The following GALNT17 variants were observed in gnomAD, a reference collection of about 807,000 sequenced individuals.
The protein encoded by GALNT17 is polypeptide N-acetylgalactosaminyltransferase 17.
A neutral mutation model predicts 63.7 loss-of-function variants in GALNT17; 29 were observed. The observed-to-expected ratio is 0.46, with a 90% CI of 0.34 to 0.62. The LOEUF (loss-of-function observed/expected upper bound fraction) is 0.62. Among genes scored for constraint, GALNT17 ranks in the 20% least tolerant of loss-of-function variants. GALNT17 has a pLI of 0.01. For missense variants in GALNT17, 603 were observed against 799.6 expected (o/e 0.75, Z 2.97); for synonymous variants, 305 against 318.3 (o/e 0.96, Z 0.45).
chr7:71,616,681 CATTAT>C (rs1790208719), intron 6 of GALNT17, among the ~76,000 whole-genome samples: 1 of 116,064 alleles, frequency 8.6e-6, no homozygotes, highest in African/African-American at 3.0e-5. Flanking sequence ...TAATATAATA[CATTAT>C]AATATATAAT....
chr7:71,458,844 C>T (rs568290864), intron 5 of GALNT17, among the ~76,000 whole-genome samples: 36 of 152,116 alleles, frequency 2.4e-4, no homozygotes, highest in African/African-American at 8.4e-4. Flanking sequence ...GTCTTCTGTT[C>T]GTCTGCTCCG....
At chr7:71,377,103 AAAATAAAAAAAATATATATAT>A (rs1563047431) in intron 2 of GALNT17, among the ~76,000 whole-genome samples, 1 of 62,986 alleles carries the variant, frequency 1.6e-5, no homozygotes, top group Non-Finnish European at 3.0e-5. Flanking sequence ...AAAAAAAATA[AAAATAAAAAAAATATATATAT>A]ATATATATAT....
At chr7:71,494,997 G>A (rs1424008190) in intron 5 of GALNT17, among the ~76,000 whole-genome samples, 1 of 152,194 alleles carries the variant, frequency 6.6e-6, no homozygotes, top group Non-Finnish European at 1.5e-5. Flanking sequence ...GGGGCCAGGT[G>A]CAGTGGCTCA....
At chr7:71,171,556 A>T (rs1267110521) in intron 1 of GALNT17, among the ~76,000 whole-genome samples, 1 of 152,160 alleles carries the variant, frequency 6.6e-6, no homozygotes, top group African/African-American at 2.4e-5. Context: ...ATGTAGACAA[A>T]TGTGTATCCC....
At chr7:71,175,073 T>C (rs1788610896) in intron 1 of GALNT17, among the ~76,000 whole-genome samples, 1 of 152,232 alleles carries the variant, frequency 6.6e-6, no homozygotes, top group Non-Finnish European at 1.5e-5. Context: ...TTCTATTCTA[T>C]CTATATCTAT....
At chr7:71,421,505 C>G (rs1223139604) in intron 5 of GALNT17, among the ~76,000 whole-genome samples, 2 of 152,074 alleles carry the variant, frequency 1.3e-5, no homozygotes, top group Non-Finnish European at 2.9e-5. Flanking sequence ...GATACAAGAT[C>G]ATATAGAAAA....
At chr7:71,353,876 A>C (rs1792232108) in intron 2 of GALNT17, among the ~76,000 whole-genome samples, 1 of 152,108 alleles carries the variant, frequency 6.6e-6, no homozygotes, top group Non-Finnish European at 1.5e-5. Flanking sequence ...GGTTTAATTG[A>C]CTCATGGTGT....
At position 71,596,297 on chromosome 7, in the gene GALNT17, C is replaced by T. The variant is rs376445452; in HGVS notation, c.1080+24895C>T. 4.2e-4 allele frequency among the ~76,000 whole-genome samples: 64 copies of T among 152,218 alleles called. No individual in the cohort carries two copies. The South Asian group carries it at 9.5e-3, about 23-fold the overall frequency. On this transcript the variant is annotated intron_variant, in intron 6 of 10. Transcript: ENST00000333538. ...TCGTGATTCGCCCACCTTGGCCTCC[C>T]AAAGTGCTGGGATTACAGGCGTGAG...
At chr7:71,237,694 A>C (rs923110629) in intron 1 of GALNT17, among the ~76,000 whole-genome samples, 8 of 151,962 alleles carry the variant, frequency 5.3e-5, no homozygotes, top group Non-Finnish European at 7.4e-5. Context: ...CAAAAACCAA[A>C]CAAACAAACA....
At chr7:71,404,098 G>C (rs1793286529) in intron 3 of GALNT17, among the ~76,000 whole-genome samples, 1 of 152,150 alleles carries the variant, frequency 6.6e-6, no homozygotes, top group African/African-American at 2.4e-5. Context: ...CTCTCACCTG[G>C]ATAGCCTATA....
intron 6 of GALNT17, among the ~76,000 whole-genome samples, chr7:71,658,494 C>T (rs1790861810): frequency 6.6e-6 from 1 of 152,110 alleles, no homozygotes. Context: ...CTTTTTGCCC[C>T]AATGAATGAA....
At chr7:71,555,929 C>T (rs147768766) in intron 5 of GALNT17, among the ~76,000 whole-genome samples, 27 of 152,312 alleles carry the variant, frequency 1.8e-4, no homozygotes, top group African/African-American at 6.3e-4. Flanking sequence ...CAGCAGTTAA[C>T]GTCAGGAATC....
At chr7:71,134,442 G>C (rs1225809749) in intron 1 of GALNT17, among the ~76,000 whole-genome samples, 1 of 152,192 alleles carries the variant, frequency 6.6e-6, no homozygotes, top group East Asian at 1.9e-4. Context: ...GCTCACCAAA[G>C]GTCCCTGCTG....
intron 10 of GALNT17, among the ~76,000 whole-genome samples, chr7:71,711,403 G>A (rs1791789836): frequency 6.6e-6 from 1 of 151,794 alleles, no homozygotes; most frequent in Non-Finnish European, 1.5e-5. Flanking sequence ...CCCTGCCCCA[G>A]TCTCATGCAA....
intron 1 of GALNT17, among the ~76,000 whole-genome samples, chr7:71,305,605 G>T (rs1791276113): frequency 6.6e-6 from 1 of 152,128 alleles, no homozygotes; most frequent in Admixed American, 6.5e-5. Flanking sequence ...CTGTGAGTTT[G>T]GTGGGTGTTA....
intron 5 of GALNT17, among the ~76,000 whole-genome samples, chr7:71,507,589 A>C (rs897499498): frequency 3.3e-5 from 5 of 152,202 alleles, no homozygotes; most frequent in African/African-American, 1.2e-4. Context: ...GCCTTGGCAC[A>C]CTAAGAAAAT....
At chr7:71,628,994 T>C (rs908204091) in intron 6 of GALNT17, among the ~76,000 whole-genome samples, 5 of 151,916 alleles carry the variant, frequency 3.3e-5, no homozygotes, top group Admixed American at 3.3e-4. Flanking sequence ...GTTCAGACTG[T>C]TTTTGGATGG....
intron 5 of GALNT17, among the ~76,000 whole-genome samples, chr7:71,447,743 A>G (rs557493342): frequency 1.1e-4 from 17 of 152,074 alleles, no homozygotes; most frequent in African/African-American, 3.9e-4. Flanking sequence ...GTATTTAACC[A>G]TTGCCTTTCT....
intron 6 of GALNT17, among the ~76,000 whole-genome samples, chr7:71,583,961 GA>G (rs59833771): frequency 0.29 from 42,517 of 145,886 alleles, 6,209 homozygotes; most frequent in African/African-American, 0.35. Context: ...CGTCTCTACT[GA>G]AAAAAAAAAA....
Sources: allele counts gnomAD v4.1 joint callset (sites outside exome capture counted in the v4.1 genomes callset), GRCh38; gene constraint gnomAD v4.1.1; transcripts MANE v1.5; gene names NCBI Gene and HGNC (gene_info 2026-07-23, HGNC 2026-07-21).